The following RASGRF2 variants were observed in gnomAD, a reference collection of about 807,000 sequenced individuals.
The protein encoded by RASGRF2 is ras-specific guanine nucleotide-releasing factor 2.
Under a neutral mutation model 151.0 loss-of-function variants are expected in RASGRF2, and 76 were observed. The ratio of observed to expected loss-of-function variants is 0.50; its 90% CI spans 0.42 to 0.61. The LOEUF is 0.61. RASGRF2 is among the 20% of genes least tolerant of loss of function. RASGRF2 has a pLI of 0.00. For missense variants in RASGRF2, 1,148 were observed against 1,564.6 expected, an observed-to-expected ratio of 0.73 and a Z score of 4.49; for synonymous variants, 504 against 566.5, an observed-to-expected ratio of 0.89 and a Z score of 1.57.
chr5:81,016,016 A>C (rs508636), intron 1 of RASGRF2, among the ~76,000 whole-genome samples: 36,106 of 152,100 alleles, frequency 0.24, 4,804 homozygotes, highest in Middle Eastern at 0.46. Context: ...CTGTAAGAGA[A>C]GATGGTGACA....
chr5:81,108,908 G>T, intron 12 of RASGRF2, 88 bp from the exon 13 acceptor site: 104 of 1,361,260 alleles, frequency 7.6e-5, no homozygotes, highest in East Asian at 1.8e-4. Context: ...GAAATTGAAT[G>T]GATTCTTTTA....
At chr5:81,200,650 T>A (rs987695124) in intron 18 of RASGRF2, among the ~76,000 whole-genome samples, 8 of 152,320 alleles carry the variant, frequency 5.3e-5, no homozygotes, top group East Asian at 1.9e-4. Flanking sequence ...CAGTTACTGA[T>A]CTTACTCATG....
At chr5:81,134,113 T>TGTGTGTGA (rs1429600235) in intron 17 of RASGRF2, among the ~76,000 whole-genome samples, 1 of 150,756 alleles carries the variant, frequency 6.6e-6, no homozygotes, top group African/African-American at 2.4e-5. Flanking sequence ...TGTGTGTGAG[T>TGTGTGTGA]GAATATTTTA....
At position 81,227,891 on chromosome 5, in the gene RASGRF2, C is replaced by T. The variant is rs963129581; in HGVS notation, c.*2121C>T. On this transcript the variant is annotated 3_prime_UTR_variant, in exon 27 of 27. Transcript: ENST00000265080. ...GGAAGTTCGGACTCATTTCTTTGAC[C>T]CAAATGTTCCAGAGACACTGCAGCC... 11 of 152,102 alleles carry T rather than the reference C, an allele frequency of 7.2e-5. No homozygotes were observed. The highest frequency in any genetic ancestry group is 2.4e-4 in the African/African-American group (10 of 41,410). The allele number at this position is 152,102 out of a possible 1,614,324, so 9.4% of individuals were successfully genotyped here.
chr5:81,208,305 C>A, intron 21 of RASGRF2, 49 bp from the exon 22 acceptor site: 1 of 1,487,836 alleles, frequency 6.7e-7, no homozygotes, highest in Non-Finnish European at 9.4e-7. Context: ...TCATAGCCAC[C>A]ATATTTTTAA....
Position 81,155,196 on chromosome 5 carries a change from A to G in RASGRF2, c.2687-24979A>G, listed in dbSNP as rs550324394. On this transcript the variant is annotated intron_variant, in intron 17 of 26. Coordinates refer to ENST00000265080, the MANE Select transcript of RASGRF2 (RefSeq NM_006909.3). Reference sequence around the variant, plus strand: ...GAAATGTATATATTTCAATATCTACATTAGAGAAGAAAAATGATCTCGAAT... The same window carrying G: ...GAAATGTATATATTTCAATATCTACGTTAGAGAAGAAAAATGATCTCGAAT... Among the ~76,000 whole-genome samples, 3 of 152,360 alleles carry G rather than the reference A, an allele frequency of 2.0e-5. No homozygotes were observed. In the South Asian group the frequency reaches 6.2e-4, roughly 32 times the overall value.
chr5:81,166,067 T>C (rs1413934138), intron 17 of RASGRF2, among the ~76,000 whole-genome samples: 1 of 152,170 alleles, frequency 6.6e-6, no homozygotes, highest in Non-Finnish European at 1.5e-5. Flanking sequence ...AACTCATAGA[T>C]GCAGTCAGGT....
In RASGRF2 at chr5:81,216,348, TACAC is replaced by T. The variant is rs10648156; in HGVS notation, c.3434+410_3434+413del. Among the ~76,000 whole-genome samples the T allele has an allele frequency of 1.2e-3, 177 of 147,610 alleles. 2 individuals carry two copies. Among genetic ancestry groups the T allele is most frequent in the Middle Eastern group, 0.01 (3 of 288 alleles). Reference sequence around the variant, plus strand: ...TTTGGTTTCTAGATTATTCCCTTTCTACACACACACACACACACACGCACACACA... The same window carrying T: ...TTTGGTTTCTAGATTATTCCCTTTCTACACACACACACACACGCACACACA... On this transcript the variant is annotated intron_variant, in intron 24 of 26. Coordinates refer to ENST00000265080, the MANE Select transcript of RASGRF2 (RefSeq NM_006909.3).
chr5:81,037,566 A>G (rs1417647862), intron 1 of RASGRF2, among the ~76,000 whole-genome samples: 2 of 152,160 alleles, frequency 1.3e-5, no homozygotes, highest in African/African-American at 4.8e-5. Context: ...TTATTGCACA[A>G]TGTTAAGATA....
At chr5:81,045,554 C>T (rs1183481476) in intron 2 of RASGRF2, among the ~76,000 whole-genome samples, 1 of 152,150 alleles carries the variant, frequency 6.6e-6, no homozygotes, top group African/African-American at 2.4e-5. Flanking sequence ...TTAGATGATA[C>T]AATGGTGAAA....
intron 12 of RASGRF2, among the ~76,000 whole-genome samples, chr5:81,107,896 A>G (rs1752888287): frequency 6.6e-6 from 1 of 152,274 alleles, no homozygotes; most frequent in South Asian, 2.1e-4. Context: ...GGCATCCTTT[A>G]TGCTTTGTAG....
intron 1 of RASGRF2, among the ~76,000 whole-genome samples, chr5:80,999,996 C>A (rs555603765): frequency 2.6e-5 from 4 of 152,158 alleles, no homozygotes; most frequent in African/African-American, 9.7e-5. Flanking sequence ...CTGTGTTCCA[C>A]GATATCTGGG....
intron 9 of RASGRF2, among the ~76,000 whole-genome samples, chr5:81,088,890 A>G (rs1241882507): frequency 1.3e-5 from 2 of 152,118 alleles, no homozygotes. Context: ...ATTCATGCCC[A>G]TATGTTATTA....
In RASGRF2 at chr5:81,217,445, G is replaced by A; in HGVS notation, c.3524G>A (p.Gly1175Asp). Residue 1175 changes from glycine to aspartate, a missense_variant, in exon 25 of 27, where the codon GGC (glycine) becomes GAC (aspartate). Coordinates refer to ENST00000265080, the MANE Select transcript of RASGRF2 (RefSeq NM_006909.3). ...EEGTPNFTEE[G>D]LVNFSKMRMI... Reference sequence around the variant, plus strand: ...GGAACACCAAACTTTACTGAGGAAGGCCTTGTCAATTTCTCCAAAATGAGA... The same window carrying A: ...GGAACACCAAACTTTACTGAGGAAGACCTTGTCAATTTCTCCAAAATGAGA... 6.2e-7 allele frequency: 1 copy of A among 1,612,730 alleles called. No homozygotes were observed. The highest frequency in any genetic ancestry group is 8.5e-7 in the Non-Finnish European group (1 of 1,179,616).
chr5:81,150,548 A>C (rs754946888), intron 17 of RASGRF2, among the ~76,000 whole-genome samples: 1 of 152,152 alleles, frequency 6.6e-6, no homozygotes, highest in Non-Finnish European at 1.5e-5. Flanking sequence ...CAGAGTGTTG[A>C]AGTGAAATAG....
intron 18 of RASGRF2, among the ~76,000 whole-genome samples, chr5:81,189,476 G>T (rs1266602512): frequency 6.6e-6 from 1 of 151,116 alleles, no homozygotes; most frequent in African/African-American, 2.4e-5. Context: ...TTTTTTTGTT[G>T]TTTCTGTGTG....
At position 81,113,860 on chromosome 5, in the gene RASGRF2, G is replaced by A; in HGVS notation, c.2410G>A (p.Glu804Lys). 1 of 1,614,230 alleles carries A rather than the reference G, an allele frequency of 6.2e-7. No individual in the cohort carries two copies. Among genetic ancestry groups the A allele is most frequent in the Non-Finnish European group, 8.5e-7 (1 of 1,180,024 alleles). Residue 804 changes from glutamate (E) to lysine (K), a missense_variant, in exon 15 of 27, where the codon GAG (glutamate) becomes AAG (lysine). Coordinates refer to ENST00000265080, the MANE Select transcript of RASGRF2 (RefSeq NM_006909.3). ...SPEQSPGTVE[E>K]NVDNPRVDLC... is the part of the protein sequence containing the mutation. ...AGAGCAAAGCCCGGGAACGGTAGAA[G>A]AGAATGTCGATAACCCACGCGTGGA...
At chr5:81,003,451 C>A (rs940611647) in intron 1 of RASGRF2, among the ~76,000 whole-genome samples, 35 of 152,190 alleles carry the variant, frequency 2.3e-4, no homozygotes, top group Non-Finnish European at 8.8e-5. Flanking sequence ...TCTCGATCTA[C>A]TGACCTCGTG....
intron 2 of RASGRF2, among the ~76,000 whole-genome samples, chr5:81,067,149 CAT>C (rs1390457408): frequency 6.6e-6 from 1 of 152,166 alleles, no homozygotes; most frequent in Non-Finnish European, 1.5e-5. Context: ...ATTGGGATCA[CAT>C]ATCTCCTGGG....
Sources: gnomAD v4.1 joint callset for allele counts (sites outside exome capture counted in the v4.1 genomes callset) on GRCh38, gnomAD v4.1.1 for gene constraint, MANE v1.5 for transcripts, NCBI Gene and HGNC (gene_info 2026-07-23, HGNC 2026-07-21) for gene names.